Variants in DMGDH observed in about 807,000 individuals in gnomAD.
DMGDH encodes the protein dimethylglycine dehydrogenase, mitochondrial.
In DMGDH, 76 loss-of-function variants were observed where a neutral mutation model predicts 95.2. The observed-to-expected ratio is 0.80, with a 90% CI of 0.66 to 0.97. The LOEUF (loss-of-function observed/expected upper bound fraction) is 0.97. Ranked by LOEUF, DMGDH falls within the 50% of genes least tolerant of loss-of-function variation. The pLI is 0.00. For synonymous variants in DMGDH, 345 were observed against 377.6 expected (o/e 0.91, Z 1.00); for missense variants, 987 against 1,055.0 (o/e 0.94, Z 0.89).
chr5:79,009,688 A>T (rs1279420784), intron 14 of DMGDH, among the ~76,000 whole-genome samples: 1 of 152,168 alleles, frequency 6.6e-6, no homozygotes, highest in Non-Finnish European at 1.5e-5. Context: ...AATAAGTGCC[A>T]TAAGTACAGA....
chr5:79,033,404 CAT>C lies in DMGDH; in HGVS notation c.1196_1197del (p.Tyr399TrpfsTer14). 6.2e-7 allele frequency: 1 copy of C among 1,614,058 alleles called. No homozygotes were observed. The highest frequency in any genetic ancestry group is 8.5e-7 in the Non-Finnish European group (1 of 1,180,012). ...RNYWVAIGFG[Y>X]GIIHAGGVGK... ...CCTACCCCACCAGCGTGGATTATGC[CAT>C]ATCTTTCAAATACAGGGATAGAAAA... On this transcript the variant is annotated frameshift_variant and splice_region_variant, in exon 8 of 16. Transcript: ENST00000255189. LOFTEE classifies it high-confidence loss of function.
rs1436492446 is a variant in DMGDH at position 79,069,652 on chromosome 5, G to A, written c.-32C>T. 1.5e-6 allele frequency: 2 copies of A among 1,315,420 alleles called. No homozygotes were observed. Among genetic ancestry groups the A allele is most frequent in the Admixed American group, 7.5e-5 (2 of 26,838 alleles). 81.5% of individuals were successfully genotyped at this position (1,315,420 alleles called of 1,614,324 possible). A position where few individuals can be genotyped will look rare whatever the true frequency, so the allele number is the denominator to read the frequency against. ...GCCGAGGCCGAGGGCGCAGGCGCCTGCTCCGAGGCCAGCGGGCAGCCTGAG... is the reference window on the plus strand; with the variant it reads ...GCCGAGGCCGAGGGCGCAGGCGCCTACTCCGAGGCCAGCGGGCAGCCTGAG... On this transcript the variant is annotated 5_prime_UTR_variant, in exon 1 of 16. Coordinates refer to ENST00000255189, the MANE Select transcript of DMGDH (RefSeq NM_013391.3).
chr5:79,051,309 T>A lies in DMGDH; in HGVS notation c.723A>T (p.Ala241=). The A allele has an allele frequency of 6.2e-7, 1 of 1,614,230 alleles. No homozygotes were observed. The highest frequency in any genetic ancestry group is 8.5e-7 in the Non-Finnish European group (1 of 1,180,042). The change falls in exon 5 of 16, where the codon GCA becomes GCT. Residue 241 remains alanine (A), a synonymous_variant. Transcript: ENST00000255189. ...TACCTGCAGCATTCACAATTCTATT[T>A]GCTCTCATAGACCCCTGTGGTGTTT... ...DVETPQGSMR[A]NRIVNAAGFW...
intron 15 of DMGDH, among the ~76,000 whole-genome samples, chr5:79,003,777 T>A (rs1753496037): frequency 6.6e-6 from 1 of 151,932 alleles, no homozygotes; most frequent in African/African-American, 2.4e-5. Flanking sequence ...AGAAACCCCA[T>A]CTCTACTAAA....
intron 7 of DMGDH, among the ~76,000 whole-genome samples, chr5:79,041,066 A>C (rs1349680188): frequency 2.6e-5 from 4 of 152,172 alleles, no homozygotes; most frequent in African/African-American, 9.7e-5. Flanking sequence ...ACGGTGGTCA[A>C]GTTAGAAAGG....
intron 5 of DMGDH, among the ~76,000 whole-genome samples, chr5:79,050,931 A>G (rs1754835521): frequency 6.6e-6 from 1 of 152,262 alleles, no homozygotes. Flanking sequence ...AGCAAATTGG[A>G]CACAAAGAGG....
At chr5:79,053,600 C>A (rs1490094355) in intron 4 of DMGDH, among the ~76,000 whole-genome samples, 1 of 152,032 alleles carries the variant, frequency 6.6e-6, no homozygotes, top group East Asian at 1.9e-4. Context: ...TAAATATGTG[C>A]TACAGTAAGT....
At chr5:79,020,780 A>G (rs1193926628) in intron 14 of DMGDH, 2 of 984,958 alleles carry the variant, frequency 2.0e-6, no homozygotes, top group Non-Finnish European at 2.4e-6. Context: ...AGAGAGTGAG[A>G]AAAAGAGGGA....
intron 15 of DMGDH, among the ~76,000 whole-genome samples, chr5:79,002,148 A>G (rs1753463427): frequency 6.6e-6 from 1 of 152,236 alleles, no homozygotes; most frequent in African/African-American, 2.4e-5. Flanking sequence ...AACATGGCAA[A>G]TGGCCTTTGA....
chr5:79,055,970 T>G, intron 2 of DMGDH, 62 bp from the exon 3 acceptor site: 1 of 1,113,154 alleles, frequency 9.0e-7, no homozygotes, highest in Non-Finnish European at 1.4e-6. Context: ...ATGTTGACAG[T>G]TTATCTGTTA....
At chr5:78,998,361 G>A in intron 15 of DMGDH, 64 bp from the exon 16 acceptor site, 4 of 1,503,828 alleles carry the variant, frequency 2.7e-6, no homozygotes, top group Non-Finnish European at 3.6e-6. Flanking sequence ...TCATCTCTGG[G>A]TGAAAAAAAA....
At position 79,055,328 on chromosome 5, in the gene DMGDH, A is replaced by T. The variant is rs375173371; in HGVS notation, c.375+482T>A. ...TTTAGGCAAGGGAAGTGACATGGAA[A>T]ATTTGAGACCTCAGTCTTAGCCTAT... On this transcript the variant is annotated intron_variant, in intron 3 of 15. Coordinates refer to ENST00000255189, the MANE Select transcript of DMGDH (RefSeq NM_013391.3). Among the ~76,000 whole-genome samples the T allele has an allele frequency of 3.9e-5, 6 of 152,188 alleles. No homozygotes were observed. The East Asian group carries it at 7.7e-4, about 20-fold the overall frequency.
At chr5:79,067,800 T>C (rs1030339118) in intron 1 of DMGDH, among the ~76,000 whole-genome samples, 9 of 152,212 alleles carry the variant, frequency 5.9e-5, no homozygotes, top group South Asian at 2.1e-4. Flanking sequence ...ATCTTCTGTA[T>C]TAGAAATGAT....
At position 79,005,038 on chromosome 5, in the gene DMGDH, G is replaced by GT. The variant is rs551857488; in HGVS notation, c.2385+234dup. Among the ~76,000 whole-genome samples the GT allele has an allele frequency of 2.0e-4, 31 of 152,248 alleles. No individual in the cohort carries two copies. In the East Asian group the frequency reaches 5.6e-3, roughly 27 times the overall value. On this transcript the variant is annotated intron_variant, in intron 15 of 15. Transcript: ENST00000255189. Reference sequence around the variant, plus strand: ...TGTCCAGTGTGTTTCAAGTCTTTGGGTTTGTTTTCTTTAAACAGAATATAT... The same window carrying GT: ...TGTCCAGTGTGTTTCAAGTCTTTGGGTTTTGTTTTCTTTAAACAGAATATAT...
At chr5:79,044,231 A>G (rs1263604139) in intron 6 of DMGDH, 73 bp downstream of exon 6, 4 of 1,601,498 alleles carry the variant, frequency 2.5e-6, no homozygotes, top group Non-Finnish European at 3.4e-6. Context: ...CTTATTCTAC[A>G]GCCATCCTCC....
At chr5:79,036,701 T>C (rs1407195968) in intron 7 of DMGDH, among the ~76,000 whole-genome samples, 1 of 152,174 alleles carries the variant, frequency 6.6e-6, no homozygotes, top group Non-Finnish European at 1.5e-5. Context: ...TTACAGATAT[T>C]ATTATAATAA....
intron 15 of DMGDH, among the ~76,000 whole-genome samples, chr5:78,998,809 C>T (rs1753403290): frequency 6.6e-6 from 1 of 152,054 alleles, no homozygotes. Context: ...GAGATCTGGC[C>T]ACTGCACTCC....
At chr5:79,008,044 C>T (rs1316047768) in intron 14 of DMGDH, among the ~76,000 whole-genome samples, 4 of 152,174 alleles carry the variant, frequency 2.6e-5, no homozygotes, top group Non-Finnish European at 5.9e-5. Flanking sequence ...CACACAGTAG[C>T]ATATCAATTA....
chr5:79,045,230 C>T (rs1055173963), intron 5 of DMGDH, among the ~76,000 whole-genome samples: 3 of 152,150 alleles, frequency 2.0e-5, no homozygotes, highest in African/African-American at 7.2e-5. Context: ...GAAGTCAAAA[C>T]CAGGGAGAAA....
Sources: gnomAD v4.1 joint callset for allele counts (sites outside exome capture counted in the v4.1 genomes callset) on GRCh38, gnomAD v4.1.1 for gene constraint, MANE v1.5 for transcripts, NCBI Gene and HGNC (gene_info 2026-07-23, HGNC 2026-07-21) for gene names.